ERAP1: variants seen among roughly 807,000 people sequenced by gnomAD.
ERAP1 encodes adipocyte-derived leucine aminopeptidase.
ERAP1 carries 86 observed loss-of-function variants against 103.7 expected under a neutral mutation model. That is an observed-to-expected ratio of 0.83 (90% CI 0.70 to 0.99). ERAP1 has a LOEUF of 0.99. Ranked by LOEUF, ERAP1 falls within the 50% of genes least tolerant of loss-of-function variation. ERAP1 has a pLI of 0.00. For missense variants in ERAP1, 1,009 were observed against 1,128.4 expected, an observed-to-expected ratio of 0.89 and a Z score of 1.52; for synonymous variants, 398 against 402.4, an observed-to-expected ratio of 0.99 and a Z score of 0.13.
chr5:96,837,153 G>T, the ERAP1 span, among the ~76,000 whole-genome samples: 1 of 151,748 alleles, frequency 6.6e-6, no homozygotes, highest in African/African-American at 2.4e-5. Flanking sequence ...CCTCATGATA[G>T]TCACATTCCA....
the ERAP1 span, chr5:96,896,264 A>G: frequency 1.2e-6 from 1 of 839,506 alleles, no homozygotes; most frequent in East Asian, 2.8e-5. Flanking sequence ...CCCAAGAAAT[A>G]TCGATTGAAA....
chr5:96,770,464 T>C, downstream of ERAP1: 1 of 949,522 alleles, frequency 1.1e-6, no homozygotes, highest in East Asian at 2.4e-5. Context: ...TTAATTTAAC[T>C]GCAGCCTAGT....
the ERAP1 span, chr5:96,909,714 G>C: frequency 6.2e-7 from 1 of 1,614,210 alleles, no homozygotes; most frequent in Non-Finnish European, 8.5e-7. Context: ...CTTGCATCCA[G>C]AAAGCTGCTG....
chr5:96,867,014 T>A, the ERAP1 span, among the ~76,000 whole-genome samples: 2,709 of 136,306 alleles, frequency 0.02, 27 homozygotes, highest in Middle Eastern at 0.037. Context: ...TTCTGATATT[T>A]TTTTTTTTTT....
chr5:96,910,911 A>G, the ERAP1 span, among the ~76,000 whole-genome samples: 3 of 152,336 alleles, frequency 2.0e-5, no homozygotes, highest in East Asian at 5.8e-4. Flanking sequence ...GAACAAAACA[A>G]CCATGTGGCC....
rs1774134532 is a variant in ERAP1 at position 96,775,742 on chromosome 5, AGACCCTCAGGGGAGGCCAGCC to A, written c.*633_*653del. 1 of 203,920 alleles carries A rather than the reference AGACCCTCAGGGGAGGCCAGCC, an allele frequency of 4.9e-6. No homozygotes were observed. The highest frequency in any genetic ancestry group is 6.5e-5 in the Admixed American group (1 of 15,406). The allele number at this position is 203,920 out of a possible 1,614,324, so 12.6% of individuals were successfully genotyped here. On this transcript the variant is annotated 3_prime_UTR_variant, in exon 19 of 19. Coordinates refer to ENST00000443439, the MANE Select transcript of ERAP1 (RefSeq NM_001040458.3). ...AAAAGAGGGTCCCCTCTCGGAGCTAAGACCCTCAGGGGAGGCCAGCCCGAGGCATCCCGCAAGGGAATCAGG... is the reference window on the plus strand; with the variant it reads ...AAAAGAGGGTCCCCTCTCGGAGCTAACGAGGCATCCCGCAAGGGAATCAGG...
chr5:96,784,074 CCCAATGCTGA>C lies in ERAP1; in HGVS notation c.1944-4_1949del. The C allele has an allele frequency of 1.2e-6, 2 of 1,614,042 alleles. No homozygotes were observed. The highest frequency in any genetic ancestry group is 1.7e-6 in the Non-Finnish European group (2 of 1,179,946). Reference sequence around the variant, plus strand: ...CCAAGGCCTTTTCAATGGACAGCTTCCCAATGCTGACCAAGAGACACTGTGGTTAGTGGTT... The same window carrying C: ...CCAAGGCCTTTTCAATGGACAGCTTCCCAAGAGACACTGTGGTTAGTGGTT... On this transcript the variant is annotated splice_acceptor_variant and splice_polypyrimidine_tract_variant and coding_sequence_variant and intron_variant, in exon 14 of 19. Coordinates refer to ENST00000443439, the MANE Select transcript of ERAP1 (RefSeq NM_001040458.3). LOFTEE classifies it high-confidence loss of function.
chr5:96,770,846 CCTGT>C (rs948297578), downstream of ERAP1, among the ~76,000 whole-genome samples: 1 of 152,006 alleles, frequency 6.6e-6, no homozygotes, highest in East Asian at 1.9e-4. Flanking sequence ...CTGTGTTTTG[CCTGT>C]CTTTCTTGCC....
At chr5:96,879,586 A>C in the ERAP1 span, 1 of 834,670 alleles carries the variant, frequency 1.2e-6, no homozygotes, top group Non-Finnish European at 1.9e-6. Context: ...TATTGAAAAT[A>C]TTGTTCAGAC....
the ERAP1 span, among the ~76,000 whole-genome samples, chr5:96,896,069 C>T: frequency 6.6e-6 from 1 of 152,106 alleles, no homozygotes. Flanking sequence ...TAGGTCTAGG[C>T]ACGTAACAAG....
chr5:96,880,477 G>T, the ERAP1 span, among the ~76,000 whole-genome samples: 2 of 152,186 alleles, frequency 1.3e-5, no homozygotes, highest in South Asian at 4.1e-4. Context: ...TGAATAACTA[G>T]GAGGAGAGGC....
chr5:96,902,422 A>G, the ERAP1 span: 1 of 935,812 alleles, frequency 1.1e-6, no homozygotes, highest in South Asian at 1.4e-5. Flanking sequence ...TATTTGAAGG[A>G]ACGATACAAT....
the ERAP1 span, among the ~76,000 whole-genome samples, chr5:96,833,807 GA>G: frequency 6.9e-6 from 1 of 144,328 alleles, no homozygotes; most frequent in African/African-American, 2.5e-5. Flanking sequence ...AAAAAAAAAA[GA>G]AAAGAAAAAG....
the ERAP1 span, among the ~76,000 whole-genome samples, chr5:96,856,489 C>T: frequency 6.6e-6 from 1 of 151,278 alleles, no homozygotes; most frequent in African/African-American, 2.4e-5. Context: ...CTATTTGACA[C>T]CAACCTCTGC....
At position 96,800,907 on chromosome 5, in the gene ERAP1, T is replaced by C. The variant is rs573447836; in HGVS notation, c.618A>G (p.Lys206=). ...EPAFKASFSI[K]IRREPRHLAI... ...CTAGGTGCCTTGGCTCTCTTCTAAT[T>C]TTGATTGAGAAACTTGCTTTGAAGG... The change falls in exon 3 of 19, where the codon AAA becomes AAG. Residue 206 remains lysine, a synonymous_variant. Transcript: ENST00000443439. 6 of 1,614,114 alleles carry C rather than the reference T, an allele frequency of 3.7e-6. No homozygotes were observed. Among genetic ancestry groups the C allele is most frequent in the African/African-American group, 2.7e-5 (2 of 75,026 alleles).
the ERAP1 span, chr5:96,909,882 G>C: frequency 9.6e-5 from 97 of 1,015,256 alleles, no homozygotes; most frequent in Non-Finnish European, 1.3e-4. Flanking sequence ...AACATGCTGG[G>C]CATTACAAAC....
the ERAP1 span, among the ~76,000 whole-genome samples, chr5:96,859,359 T>C: frequency 6.6e-6 from 1 of 152,180 alleles, no homozygotes; most frequent in African/African-American, 2.4e-5. Flanking sequence ...CAACACGCTG[T>C]TGCTCTGCGA....
the ERAP1 span, among the ~76,000 whole-genome samples, chr5:96,904,158 T>C: frequency 6.6e-6 from 1 of 152,210 alleles, no homozygotes; most frequent in African/African-American, 2.4e-5. Context: ...GGAAATGAAG[T>C]AATAAATGGC....
At chr5:96,892,650 G>A in the ERAP1 span, among the ~76,000 whole-genome samples, 3 of 152,156 alleles carry the variant, frequency 2.0e-5, no homozygotes, top group Non-Finnish European at 4.4e-5. Context: ...ATTTTATTAC[G>A]AGAAGTAGCC....
Sources: gnomAD v4.1 joint callset for allele counts (sites outside exome capture counted in the v4.1 genomes callset) on GRCh38, gnomAD v4.1.1 for gene constraint, MANE v1.5 for transcripts, NCBI Gene and HGNC (gene_info 2026-07-23, HGNC 2026-07-21) for gene names.